Variants in DENND1A observed in about 807,000 individuals in gnomAD.
The protein encoded by DENND1A is DENN domain containing 1A, also known as DENN domain-containing protein 1A.
DENND1A carries 51 observed loss-of-function variants against 113.7 expected under a neutral mutation model. That is an observed-to-expected ratio of 0.45 (90% CI 0.36 to 0.57). The LOEUF (loss-of-function observed/expected upper bound fraction) is 0.57, where lower values mean the gene tolerates loss of function less well. DENND1A is among the 20% of genes least tolerant of loss of function. The pLI, the probability that DENND1A is intolerant of heterozygous loss-of-function variation, is 0.00. For missense variants in DENND1A, 1,258 were observed against 1,395.9 expected, an observed-to-expected ratio of 0.90 and a Z score of 1.57; for synonymous variants, 565 against 570.8, an observed-to-expected ratio of 0.99 and a Z score of 0.14.
intron 19 of DENND1A, among the ~76,000 whole-genome samples, chr9:123,439,331 T>C (rs192720510): frequency 1.1e-4 from 17 of 152,348 alleles, no homozygotes; most frequent in African/African-American, 2.6e-4. Flanking sequence ...TCTGAAAATA[T>C]TGATTAGAGA....
At chr9:123,449,964 T>C (rs1038183741) in intron 18 of DENND1A, among the ~76,000 whole-genome samples, 2 of 144,982 alleles carry the variant, frequency 1.4e-5, no homozygotes, top group Admixed American at 7.1e-5. Context: ...TGTATCCAAA[T>C]ACCACCTGTT....
At position 123,822,745 on chromosome 9, in the gene DENND1A, G is replaced by A. The variant is rs1211456597; in HGVS notation, c.89-30115C>T. Among the ~76,000 whole-genome samples the A allele has an allele frequency of 2.0e-5, 3 of 152,076 alleles. No homozygotes were observed. The East Asian group carries it at 5.8e-4, about 29-fold the overall frequency. ...CAGAAAGTTTCAGAAAACTATACCT[G>A]TCCTTACTATATGTTATTTTCTCTG... On this transcript the variant is annotated intron_variant, in intron 2 of 23. Coordinates refer to ENST00000394215, the MANE Select transcript of DENND1A (RefSeq NM_001352964.2).
At chr9:123,895,059 CTT>C (rs753119053) in intron 1 of DENND1A, among the ~76,000 whole-genome samples, 24 of 141,686 alleles carry the variant, frequency 1.7e-4, no homozygotes, top group Admixed American at 2.1e-4. Flanking sequence ...CTGCAAGTTC[CTT>C]TTTTTTTTTT....
At chr9:123,884,404 A>C (rs1848723943) in intron 1 of DENND1A, among the ~76,000 whole-genome samples, 1 of 152,170 alleles carries the variant, frequency 6.6e-6, no homozygotes. Flanking sequence ...TTCATGATAC[A>C]TCTTAAGATA....
At chr9:123,690,092 G>A (rs7026206) in intron 5 of DENND1A, among the ~76,000 whole-genome samples, 2 of 100,740 alleles carry the variant, frequency 2.0e-5, no homozygotes, top group Non-Finnish European at 4.2e-5. Context: ...AAAGGAGGGA[G>A]GGAGGGAGGG....
chr9:123,679,629 A>G (rs1264718115), intron 5 of DENND1A, among the ~76,000 whole-genome samples: 1 of 152,128 alleles, frequency 6.6e-6, no homozygotes, highest in African/African-American at 2.4e-5. Flanking sequence ...TTCTTCTTCA[A>G]AGGGCCCCTG....
At chr9:123,459,594 A>G (rs1052504239) in intron 13 of DENND1A, among the ~76,000 whole-genome samples, 1 of 151,772 alleles carries the variant, frequency 6.6e-6, no homozygotes, top group Admixed American at 6.6e-5. Context: ...TTCTTTGAAC[A>G]TGTTTGGAGT....
In DENND1A at chr9:123,848,253, A is replaced by C. The variant is rs1023302084; in HGVS notation, c.88+30698T>G. 6.2e-5 allele frequency among the ~76,000 whole-genome samples: 9 copies of C among 145,916 alleles called. No individual in the cohort carries two copies. In the East Asian group the frequency reaches 1.2e-3, roughly 19 times the overall value. The stretch of plus-strand genomic sequence containing the variant: ...TAAAAAAAAAAAAAAAAAAAAAAAA[A>C]AAAACAAATTGAAAGTATATGACAA... On this transcript the variant is annotated intron_variant, in intron 2 of 23. Coordinates refer to ENST00000394215, the MANE Select transcript of DENND1A (RefSeq NM_001352964.2).
At chr9:123,534,847 C>T (rs2055607247) in intron 13 of DENND1A, among the ~76,000 whole-genome samples, 1 of 152,198 alleles carries the variant, frequency 6.6e-6, no homozygotes, top group African/African-American at 2.4e-5. Context: ...TCTTGGACGC[C>T]AAGCCTTTTT....
chr9:123,504,456 A>C (rs555128600), intron 13 of DENND1A, among the ~76,000 whole-genome samples: 1 of 152,352 alleles, frequency 6.6e-6, no homozygotes, highest in South Asian at 2.1e-4. Context: ...ACAGAACATC[A>C]GAAGGAGCCA....
At chr9:123,711,293 T>C (rs902365023) in intron 5 of DENND1A, among the ~76,000 whole-genome samples, 9 of 150,902 alleles carry the variant, frequency 6.0e-5, no homozygotes, top group African/African-American at 2.2e-4. Flanking sequence ...GGTGAAACCT[T>C]GTTTGTACTA....
chr9:123,629,409 G>A (rs917793354), intron 10 of DENND1A, among the ~76,000 whole-genome samples: 3 of 152,296 alleles, frequency 2.0e-5, no homozygotes, highest in Admixed American at 1.3e-4. Context: ...TGAGGAAAAG[G>A]GATCCAAATC....
At chr9:123,765,473 G>T (rs1231684008) in intron 4 of DENND1A, among the ~76,000 whole-genome samples, 2 of 152,140 alleles carry the variant, frequency 1.3e-5, no homozygotes, top group African/African-American at 2.4e-5. Flanking sequence ...TGCATCTGGG[G>T]TTACATCCTG....
chr9:123,928,597 TAAGC>T, intron 1 of DENND1A: 1 of 985,446 alleles, frequency 1.0e-6, no homozygotes, highest in Non-Finnish European at 1.2e-6. Context: ...TTCATTACCA[TAAGC>T]AAACTTTTCT....
At chr9:123,692,547 G>A (rs915763613) in intron 5 of DENND1A, among the ~76,000 whole-genome samples, 3 of 152,124 alleles carry the variant, frequency 2.0e-5, no homozygotes, top group Admixed American at 6.5e-5. Flanking sequence ...GACTCTTTCC[G>A]AGCTAACACT....
Position 123,875,817 on chromosome 9 carries a change from C to T in DENND1A, c.88+3134G>A, listed in dbSNP as rs113995215. On this transcript the variant is annotated intron_variant, in intron 2 of 23. Transcript: ENST00000394215. Reference sequence around the variant, plus strand: ...GTTTAGTCTCCAAGTGACCATGTTCCGTAGGCCCCAGAGACTCCTTGCCCT... The same window carrying T: ...GTTTAGTCTCCAAGTGACCATGTTCTGTAGGCCCCAGAGACTCCTTGCCCT... 5.4e-3 allele frequency among the ~76,000 whole-genome samples: 826 copies of T among 152,236 alleles called. 12 individuals are homozygous for T. The highest frequency in any genetic ancestry group is 0.019 in the African/African-American group (798 of 41,528).
intron 3 of DENND1A, 40 bp from the exon 4 acceptor site, chr9:123,769,603 AC>A: frequency 6.4e-7 from 1 of 1,556,580 alleles, no homozygotes; most frequent in Non-Finnish European, 8.7e-7. Flanking sequence ...ATCTAATGGG[AC>A]CAGTAAATCT....
intron 4 of DENND1A, among the ~76,000 whole-genome samples, chr9:123,766,271 C>T (rs1324061277): frequency 2.0e-5 from 3 of 152,302 alleles, no homozygotes; most frequent in Non-Finnish European, 2.9e-5. Flanking sequence ...CCATTTTGGT[C>T]TTCTCTAACC....
intron 2 of DENND1A, among the ~76,000 whole-genome samples, chr9:123,851,295 T>C (rs1162458996): frequency 6.6e-6 from 1 of 152,262 alleles, no homozygotes; most frequent in Non-Finnish European, 1.5e-5. Context: ...GTACTCTTTT[T>C]GTCTGGCTTC....
Sources: gnomAD v4.1 joint callset for allele counts (sites outside exome capture counted in the v4.1 genomes callset) on GRCh38, gnomAD v4.1.1 for gene constraint, MANE v1.5 for transcripts, NCBI Gene and HGNC (gene_info 2026-07-23, HGNC 2026-07-21) for gene names.